CSMD3: variants seen among roughly 807,000 people sequenced by gnomAD.
CSMD3 encodes CUB and sushi domain-containing protein 3.
In CSMD3, 177 loss-of-function variants were observed where a neutral mutation model predicts 435.2. The ratio of observed to expected loss-of-function variants is 0.41; its 90% confidence interval spans 0.36 to 0.46. The LOEUF (loss-of-function observed/expected upper bound fraction) is 0.46. Ranked by LOEUF, CSMD3 falls within the 20% of genes least tolerant of loss-of-function variation. CSMD3 has a pLI of 0.34. For missense variants in CSMD3, 4,265 were observed against 4,504.6 expected (o/e 0.95, Z 1.52); for synonymous variants, 1,656 against 1,520.5 (o/e 1.09, Z -2.07).
chr8:113,397,535 T>A (rs1012018357), intron 1 of CSMD3, among the ~76,000 whole-genome samples: 2 of 152,030 alleles, frequency 1.3e-5, no homozygotes, highest in African/African-American at 4.8e-5. Context: ...GAACAAAGAC[T>A]GTGGGCCGGG....
intron 15 of CSMD3, 131 bp downstream of exon 15, chr8:112,685,275 G>T: frequency 2.9e-6 from 2 of 694,468 alleles, no homozygotes; most frequent in Non-Finnish European, 4.9e-6. Flanking sequence ...GACCATCCTT[G>T]GCACAATGAG....
At chr8:112,670,857 T>A (rs1321197582) in intron 16 of CSMD3, among the ~76,000 whole-genome samples, 2 of 152,144 alleles carry the variant, frequency 1.3e-5, no homozygotes, top group Admixed American at 6.6e-5. Context: ...AATTGGTTGA[T>A]GTTCAAGTTT....
In CSMD3 at chr8:113,049,014, A is replaced by G. The variant is rs575106220; in HGVS notation, c.918-29835T>C. 5.9e-5 allele frequency among the ~76,000 whole-genome samples: 9 copies of G among 152,230 alleles called. No homozygotes were observed. The South Asian group carries it at 1.7e-3, about 28-fold the overall frequency. On this transcript the variant is annotated intron_variant, in intron 5 of 70. Transcript: ENST00000297405. ...AGCACTTTGGGAGGCCGAGGCAAGC[A>G]GATCACTTGAGGTCAAGAGTTCAAG...
chr8:112,637,318 A>G (rs563949419), intron 21 of CSMD3, among the ~76,000 whole-genome samples: 423 of 152,318 alleles, frequency 2.8e-3, no homozygotes, highest in African/African-American at 9.6e-3. Flanking sequence ...TTTATTTCAT[A>G]TATTTTCGAC....
At chr8:112,782,733 C>T (rs1166253918) in intron 13 of CSMD3, among the ~76,000 whole-genome samples, 2 of 151,912 alleles carry the variant, frequency 1.3e-5, no homozygotes. Flanking sequence ...TGGAACTCCA[C>T]TATGCCTGGA....
chr8:112,228,300 A>G (rs1812767533), intron 70 of CSMD3, among the ~76,000 whole-genome samples: 1 of 152,114 alleles, frequency 6.6e-6, no homozygotes. Context: ...AGATTAGAGG[A>G]TTTTGCCATC....
chr8:112,498,629 T>C (rs1821613972), intron 30 of CSMD3, among the ~76,000 whole-genome samples: 1 of 152,138 alleles, frequency 6.6e-6, no homozygotes, highest in South Asian at 2.1e-4. Flanking sequence ...ACTTTTATCG[T>C]AGTGATATTT....
At chr8:113,138,810 AGTGT>A (rs34755068) in intron 4 of CSMD3, among the ~76,000 whole-genome samples, 36 of 145,730 alleles carry the variant, frequency 2.5e-4, no homozygotes, top group African/African-American at 3.8e-4. Flanking sequence ...TAAACGTGTT[AGTGT>A]GTGTGTGTGT....
At chr8:113,199,533 T>A (rs1026068849) in intron 3 of CSMD3, among the ~76,000 whole-genome samples, 2 of 151,722 alleles carry the variant, frequency 1.3e-5, no homozygotes, top group African/African-American at 4.8e-5. Flanking sequence ...TGCCTTATTA[T>A]TTTTTTAACT....
At chr8:113,182,364 T>C (rs559639026) in intron 3 of CSMD3, among the ~76,000 whole-genome samples, 2 of 152,090 alleles carry the variant, frequency 1.3e-5, no homozygotes, top group African/African-American at 2.4e-5. Context: ...GAGCAGTATA[T>C]GCAGAATAAG....
chr8:113,418,485 A>G (rs373512301), intron 1 of CSMD3, among the ~76,000 whole-genome samples: 34 of 152,290 alleles, frequency 2.2e-4, no homozygotes, highest in African/African-American at 7.5e-4. Flanking sequence ...ATTGAATACC[A>G]GAAAGATGTG....
chr8:113,171,676 G>C (rs1457490093), intron 4 of CSMD3, among the ~76,000 whole-genome samples: 1 of 152,120 alleles, frequency 6.6e-6, no homozygotes, highest in African/African-American at 2.4e-5. Flanking sequence ...AAGGTAACAA[G>C]CTCAGGCTTT....
chr8:113,240,673 T>C (rs1028768478), intron 3 of CSMD3, among the ~76,000 whole-genome samples: 2 of 152,166 alleles, frequency 1.3e-5, no homozygotes, highest in African/African-American at 4.8e-5. Context: ...ACCAAATTCC[T>C]ATATTTGAAT....
chr8:112,663,999 T>C, intron 17 of CSMD3, among the ~76,000 whole-genome samples: 1 of 152,104 alleles, frequency 6.6e-6, no homozygotes, highest in East Asian at 1.9e-4. Flanking sequence ...GGCGGTGAAG[T>C]CTTTTTACTT....
chr8:113,011,851 T>C (rs1161622155), intron 6 of CSMD3, among the ~76,000 whole-genome samples: 1 of 151,808 alleles, frequency 6.6e-6, no homozygotes, highest in Non-Finnish European at 1.5e-5. Context: ...ATTTTGATTA[T>C]TAATGTTTGA....
chr8:112,417,589 C>T lies in CSMD3; in HGVS notation c.5396-8557G>A, dbSNP rs557281321. 2.6e-5 allele frequency among the ~76,000 whole-genome samples: 4 copies of T among 152,244 alleles called. No homozygotes were observed. The East Asian group carries it at 7.7e-4, about 29-fold the overall frequency. ...TCAGTATTTAGTAAAAAAGATAGAA[C>T]TGCCTGGGTGAGATGAGTACTCCAG... On this transcript the variant is annotated intron_variant, in intron 32 of 70. Transcript: ENST00000297405.
intron 1 of CSMD3, among the ~76,000 whole-genome samples, chr8:113,318,651 A>AT (rs2093927538): frequency 6.6e-6 from 1 of 152,184 alleles, no homozygotes; most frequent in East Asian, 1.9e-4. Flanking sequence ...TTTTAAAAAA[A>AT]ATATATTCCA....
intron 26 of CSMD3, among the ~76,000 whole-genome samples, chr8:112,551,417 G>A (rs186357532): frequency 1.3e-5 from 2 of 152,112 alleles, no homozygotes; most frequent in African/African-American, 4.8e-5. Flanking sequence ...TTAAGTTTAA[G>A]CTAGACAAAA....
intron 2 of CSMD3, among the ~76,000 whole-genome samples, chr8:113,282,754 C>CA (rs1221992841): frequency 6.6e-6 from 1 of 151,826 alleles, no homozygotes; most frequent in African/African-American, 2.4e-5. Flanking sequence ...CATATGGAAC[C>CA]AAAAAAGAGC....
Sources: gnomAD v4.1 joint callset for allele counts (sites outside exome capture counted in the v4.1 genomes callset) on GRCh38, gnomAD v4.1.1 for gene constraint, MANE v1.5 for transcripts, NCBI Gene and HGNC (gene_info 2026-07-23, HGNC 2026-07-21) for gene names.